The following COMMD1 variants were observed in gnomAD, a reference collection of about 807,000 sequenced individuals.
The protein encoded by COMMD1 is COMM domain-containing protein 1.
In COMMD1, 10 loss-of-function variants were observed where a neutral mutation model predicts 17.2. That is an observed-to-expected ratio of 0.58 (90% CI 0.36 to 0.99). The LOEUF (loss-of-function observed/expected upper bound fraction) is 0.99. Among genes scored for constraint, COMMD1 ranks in the 50% least tolerant of loss-of-function variants. The pLI, the probability that COMMD1 is intolerant of heterozygous loss-of-function variation, is 0.01. For missense variants in COMMD1, 270 were observed against 231.8 expected (o/e 1.17, Z -1.07); for synonymous variants, 97 against 91.6 (o/e 1.06, Z -0.34).
intron 2 of COMMD1, among the ~76,000 whole-genome samples, chr2:62,028,421 T>G (rs1669827062): frequency 6.6e-6 from 1 of 152,204 alleles, no homozygotes; most frequent in Admixed American, 6.5e-5. Context: ...TTTTAATGCT[T>G]TATCCAAACT....
intron 2 of COMMD1, among the ~76,000 whole-genome samples, chr2:62,013,884 A>C (rs1669359247): frequency 6.6e-6 from 1 of 152,216 alleles, no homozygotes. Flanking sequence ...ATATGAAAGA[A>C]ATCATTTAAC....
intron 1 of COMMD1, among the ~76,000 whole-genome samples, chr2:61,971,614 T>TGATA (rs1671654342): frequency 6.6e-6 from 1 of 152,088 alleles, no homozygotes; most frequent in African/African-American, 2.4e-5. Context: ...AGAAGCCTCA[T>TGATA]GATATCCCAC....
chr2:61,894,621 G>C (rs1669514569), intron 1 of COMMD1, among the ~76,000 whole-genome samples: 1 of 150,970 alleles, frequency 6.6e-6, no homozygotes, highest in Non-Finnish European at 1.5e-5. Context: ...CTAGGCCTCT[G>C]CTTCATGTTA....
rs75526899 is a variant in COMMD1, at chr2:62,086,782, G to C, written c.463-49049G>C. On this transcript the variant is annotated intron_variant, in intron 2 of 2. Transcript: ENST00000311832. ...ATTTTGGGTGCAGTTTACTTATACT[G>C]TTAACTCTTTAATAAAGACAATTTC... Among the ~76,000 whole-genome samples, 1,271 of 151,958 alleles carry C rather than the reference G, an allele frequency of 8.4e-3. 28 individuals are homozygous for C. The highest frequency in any genetic ancestry group is 0.03 in the African/African-American group (1,233 of 41,422).
chr2:62,135,490 C>G (rs1673168567), intron 2 of COMMD1, among the ~76,000 whole-genome samples: 1 of 151,964 alleles, frequency 6.6e-6, no homozygotes, highest in Non-Finnish European at 1.5e-5. Flanking sequence ...AGCTGGGACT[C>G]ACAGGTGCCC....
intron 1 of COMMD1, among the ~76,000 whole-genome samples, chr2:61,954,208 CAA>C (rs551419717): frequency 1.8e-3 from 267 of 151,038 alleles, no homozygotes; most frequent in African/African-American, 5.4e-3. Context: ...GACTCTGTCT[CAA>C]AAAAAAGAGA....
intron 2 of COMMD1, among the ~76,000 whole-genome samples, chr2:62,104,195 T>C (rs936886598): frequency 2.0e-5 from 3 of 152,206 alleles, no homozygotes; most frequent in African/African-American, 7.2e-5. Context: ...GTTAGCAATA[T>C]TCACTGCATC....
intron 2 of COMMD1, among the ~76,000 whole-genome samples, chr2:62,042,661 G>A (rs564551785): frequency 3.3e-5 from 5 of 152,212 alleles, no homozygotes; most frequent in African/African-American, 1.2e-4. Flanking sequence ...CAGCCCCGGC[G>A]ACGGGCTGAA....
intron 2 of COMMD1, among the ~76,000 whole-genome samples, chr2:62,103,576 C>G (rs1451477499): frequency 6.6e-6 from 1 of 152,186 alleles, no homozygotes; most frequent in Non-Finnish European, 1.5e-5. Flanking sequence ...TATAACTTAG[C>G]ATGTAGTCAT....
chr2:62,057,637 G>A (rs1670744504), intron 2 of COMMD1, among the ~76,000 whole-genome samples: 1 of 151,872 alleles, frequency 6.6e-6, no homozygotes, highest in Admixed American at 6.6e-5. Context: ...TGTTGCCCAG[G>A]CTAGAGTGCA....
intron 1 of COMMD1, among the ~76,000 whole-genome samples, chr2:61,899,040 T>C (rs964802916): frequency 6.6e-6 from 1 of 152,242 alleles, no homozygotes; most frequent in African/African-American, 2.4e-5. Flanking sequence ...CTCACTCTGA[T>C]ATTTTGGAAC....
intron 1 of COMMD1, among the ~76,000 whole-genome samples, chr2:61,953,020 T>C (rs1237907779): frequency 6.6e-6 from 1 of 152,090 alleles, no homozygotes; most frequent in Non-Finnish European, 1.5e-5. Context: ...GGTTAGTTTC[T>C]TTTTTTTGAG....
intron 2 of COMMD1, among the ~76,000 whole-genome samples, chr2:62,068,611 T>C (rs1348021099): frequency 1.4e-5 from 2 of 148,110 alleles, no homozygotes; most frequent in African/African-American, 5.0e-5. Flanking sequence ...AAGATAGTAG[T>C]AGTATAATCT....
chr2:62,089,310 G>A (rs984710913), intron 2 of COMMD1, among the ~76,000 whole-genome samples: 7 of 137,582 alleles, frequency 5.1e-5, no homozygotes, highest in African/African-American at 1.9e-4. Context: ...TTTTTCAGTC[G>A]AGTCTCACTC....
intron 2 of COMMD1, among the ~76,000 whole-genome samples, chr2:62,092,221 AGAGTGCATC>A (rs1671850144): frequency 6.6e-6 from 1 of 152,208 alleles, no homozygotes; most frequent in African/African-American, 2.4e-5. Flanking sequence ...ACCAAGGAAG[AGAGTGCATC>A]GATCCCAAAC....
intron 2 of COMMD1, among the ~76,000 whole-genome samples, chr2:62,006,942 G>C (rs1306137959): frequency 6.6e-6 from 1 of 152,118 alleles, no homozygotes; most frequent in Non-Finnish European, 1.5e-5. Flanking sequence ...ATTTTATAAA[G>C]ATGTATTAGG....
At chr2:61,983,144 C>T (rs1672001374) in intron 1 of COMMD1, among the ~76,000 whole-genome samples, 1 of 150,662 alleles carries the variant, frequency 6.6e-6, no homozygotes, top group East Asian at 1.9e-4. Flanking sequence ...CAGCAAAGCC[C>T]TGAGGTCCTG....
At chr2:61,997,567 A>G (rs1029665478) in intron 1 of COMMD1, among the ~76,000 whole-genome samples, 8 of 152,172 alleles carry the variant, frequency 5.3e-5, no homozygotes, top group African/African-American at 1.9e-4. Context: ...GTTTTACGTA[A>G]AATATTAAGC....
At chr2:61,991,342 C>T (rs1672248727) in intron 1 of COMMD1, among the ~76,000 whole-genome samples, 1 of 152,092 alleles carries the variant, frequency 6.6e-6, no homozygotes, top group Admixed American at 6.6e-5. Context: ...GAATTCTGGA[C>T]TTAATGTTGA....
Sources: gnomAD v4.1 joint callset for allele counts (sites outside exome capture counted in the v4.1 genomes callset) on GRCh38, gnomAD v4.1.1 for gene constraint, MANE v1.5 for transcripts, NCBI Gene and HGNC (gene_info 2026-07-23, HGNC 2026-07-21) for gene names.